The following DPYSL3 variants were observed in gnomAD, a reference collection of about 807,000 sequenced individuals.
DPYSL3 encodes dihydropyrimidinase like 3, also known as dihydropyrimidinase-related protein 3.
A neutral mutation model predicts 66.1 loss-of-function variants in DPYSL3; 16 were observed. The observed-to-expected ratio is 0.24, with a 90% CI of 0.16 to 0.37. The LOEUF is 0.37. DPYSL3 is among the 10% of genes least tolerant of loss of function. DPYSL3 has a pLI of 1.00. For synonymous variants in DPYSL3, 338 were observed against 345.1 expected, an observed-to-expected ratio of 0.98 and a Z score of 0.23; for missense variants, 738 against 916.2, an observed-to-expected ratio of 0.81 and a Z score of 2.51.
In DPYSL3 at chr5:147,408,692, T is replaced by C. The variant is rs371850679; in HGVS notation, c.1032+36A>G. Reference sequence around the variant, plus strand: ...GTCGCCTTTTAACAATGTTTATTCATGCGTTGTGTGTGCACCTTCATCCCC... The same window carrying C: ...GTCGCCTTTTAACAATGTTTATTCACGCGTTGTGTGTGCACCTTCATCCCC... On this transcript the variant is annotated intron_variant, in intron 7 of 13. Transcript: ENST00000343218. 5 of 1,606,760 alleles carry C rather than the reference T, an allele frequency of 3.1e-6. No homozygotes were observed. In the South Asian group the frequency reaches 3.3e-5, roughly 11 times the overall value.
At chr5:147,492,856 C>T (rs1004930813) in intron 1 of DPYSL3, among the ~76,000 whole-genome samples, 3 of 152,108 alleles carry the variant, frequency 2.0e-5, no homozygotes, top group Non-Finnish European at 2.9e-5. Context: ...AATCACCTTA[C>T]TTGTCAATGA....
At chr5:147,397,616 G>A (rs1164226974) in intron 12 of DPYSL3, 50 bp downstream of exon 12, 1 of 1,571,516 alleles carries the variant, frequency 6.4e-7, no homozygotes, top group African/African-American at 1.3e-5. Flanking sequence ...CTCTGAGCGT[G>A]AGTGGAACAC....
intron 1 of DPYSL3, among the ~76,000 whole-genome samples, chr5:147,439,482 G>A (rs566615930): frequency 6.6e-6 from 1 of 152,160 alleles, no homozygotes; most frequent in Non-Finnish European, 1.5e-5. Flanking sequence ...CAGGACTGGA[G>A]ACCAGAGAAG....
chr5:147,433,403 T>C (rs73794725), intron 1 of DPYSL3, among the ~76,000 whole-genome samples: 4 of 152,012 alleles, frequency 2.6e-5, no homozygotes, highest in Non-Finnish European at 4.4e-5. Flanking sequence ...TGAAGACATA[T>C]GGCAAATCTT....
chr5:147,442,592 C>T (rs1046354371), intron 1 of DPYSL3, among the ~76,000 whole-genome samples: 12 of 151,786 alleles, frequency 7.9e-5, no homozygotes, highest in South Asian at 2.1e-4. Context: ...AAAAAACAAC[C>T]GACAATAAAT....
chr5:147,475,065 A>C (rs926618163), intron 1 of DPYSL3, among the ~76,000 whole-genome samples: 2 of 152,098 alleles, frequency 1.3e-5, no homozygotes, highest in Admixed American at 6.5e-5. Flanking sequence ...CTAAACATGC[A>C]GTAACCATAC....
At chr5:147,437,780 A>G (rs1439684879) in intron 1 of DPYSL3, among the ~76,000 whole-genome samples, 1 of 152,216 alleles carries the variant, frequency 6.6e-6, no homozygotes, top group Admixed American at 6.5e-5. Flanking sequence ...GAATGGTGGG[A>G]AAGAGAAGGG....
rs538717693 is a variant in DPYSL3, at chr5:147,402,433, C to T, written c.1154-737G>A. ...CGCGATCTCGGCTCACTGCAAGCTC[C>T]GCCTCCCGGGTTCACGCCATTCTCC... On this transcript the variant is annotated intron_variant, in intron 8 of 13. Transcript: ENST00000343218. 6.6e-5 allele frequency among the ~76,000 whole-genome samples: 9 copies of T among 135,438 alleles called. No individual in the cohort carries two copies. In the South Asian group the frequency reaches 1.1e-3, roughly 16 times the overall value. The allele number at this position is 135,438 out of a possible 152,430, so 88.9% of individuals were successfully genotyped here.
chr5:147,509,495 G>A lies in DPYSL3; in HGVS notation c.364C>T (p.Leu122Phe). 1 of 1,528,406 alleles carries A rather than the reference G, an allele frequency of 6.5e-7. No homozygotes were observed. 94.7% of individuals were successfully genotyped at this position (1,528,406 alleles called of 1,614,324 possible). A position where few individuals can be genotyped will look rare whatever the true frequency, so the allele number is the denominator to read the frequency against. ...CCCCTTACCTTGTCCTTGGGGCCGA[G>A]GTTCTGCAACACCTCTTTGCCGGTG... ...SATGKEVLQN[L>F]GPKDKSDRLL... Residue 122 changes from leucine to phenylalanine, a missense_variant, in exon 1 of 14, where the codon CTC becomes TTC. By Grantham distance (22) the Leu-to-Phe change is conservative (BLOSUM62 0). Coordinates refer to ENST00000343218, the MANE Select transcript of DPYSL3 (RefSeq NM_001197294.2). This position sits in a 1 kb window ranked among gnomAD's most constrained non-coding sequence, Gnocchi z 5.3.
chr5:147,427,021 T>C (rs986941535), intron 1 of DPYSL3, among the ~76,000 whole-genome samples: 20 of 152,192 alleles, frequency 1.3e-4, no homozygotes, highest in Admixed American at 7.2e-4. Context: ...ATTTCTATCA[T>C]GTGTGGCCTA....
intron 1 of DPYSL3, among the ~76,000 whole-genome samples, chr5:147,466,129 A>G (rs1753004925): frequency 1.3e-5 from 2 of 152,326 alleles, no homozygotes; most frequent in Admixed American, 1.3e-4. Context: ...ATCAGTGCCC[A>G]TTAGCTAGAG....
intron 5 of DPYSL3, 79 bp downstream of exon 5, chr5:147,413,517 T>C (rs1214294888): frequency 8.7e-7 from 1 of 1,151,540 alleles, no homozygotes; most frequent in African/African-American, 1.5e-5. Flanking sequence ...CAGTGATTCA[T>C]GTTACAAGGG....
At chr5:147,396,225 G>A (rs1043135715) in intron 12 of DPYSL3, among the ~76,000 whole-genome samples, 2 of 152,172 alleles carry the variant, frequency 1.3e-5, no homozygotes, top group African/African-American at 2.4e-5. Flanking sequence ...ACCAGGGTGG[G>A]CAGGCCTTGA....
intron 1 of DPYSL3, among the ~76,000 whole-genome samples, chr5:147,507,622 A>G (rs1046840489): frequency 2.6e-5 from 4 of 152,184 alleles, no homozygotes; most frequent in Admixed American, 2.0e-4. Context: ...GTCTCTTCTA[A>G]CAGTGTGATT....
intron 1 of DPYSL3, among the ~76,000 whole-genome samples, chr5:147,499,275 G>A (rs1361901737): frequency 6.6e-6 from 1 of 152,152 alleles, no homozygotes; most frequent in Non-Finnish European, 1.5e-5. Context: ...AAAGCCCTCA[G>A]GAACTAGTAA....
intron 1 of DPYSL3, among the ~76,000 whole-genome samples, chr5:147,505,847 A>C (rs1365696809): frequency 6.6e-6 from 1 of 152,166 alleles, no homozygotes; most frequent in Non-Finnish European, 1.5e-5. Context: ...GCTCTGAATA[A>C]TATTGACATG....
intron 8 of DPYSL3, chr5:147,401,968 A>C (rs912117528): frequency 7.5e-5 from 25 of 334,818 alleles, no homozygotes; most frequent in Non-Finnish European, 1.3e-4. Context: ...TTGAGGCAAA[A>C]GAAAATAAAA....
chr5:147,394,302 C>T (rs1489334576), intron 13 of DPYSL3, among the ~76,000 whole-genome samples, 179 bp from the exon 14 acceptor site: 1 of 152,146 alleles, frequency 6.6e-6, no homozygotes, highest in Non-Finnish European at 1.5e-5. Context: ...TTCTTATGGC[C>T]CCGAAAACTA....
intron 1 of DPYSL3, chr5:147,453,745 C>CA (rs906552429): frequency 6.5e-5 from 86 of 1,317,230 alleles, no homozygotes; most frequent in Non-Finnish European, 7.8e-5. Context: ...CTCCCGGGCT[C>CA]CCGCGGCGGC....
Sources: allele counts gnomAD v4.1 joint callset (sites outside exome capture counted in the v4.1 genomes callset), GRCh38; gene constraint gnomAD v4.1.1; non-coding constraint Gnocchi (gnomAD v3.1); transcripts MANE v1.5; gene names NCBI Gene and HGNC (gene_info 2026-07-23, HGNC 2026-07-21).